The following ZDHHC17 variants were observed in gnomAD, a reference collection of about 807,000 sequenced individuals.
ZDHHC17 encodes the protein zDHHC palmitoyltransferase 17, also known as palmitoyltransferase ZDHHC17.
Under a neutral mutation model 90.3 loss-of-function variants are expected in ZDHHC17, and 40 were observed. The observed-to-expected ratio is 0.44, with a 90% CI of 0.34 to 0.58. The LOEUF (loss-of-function observed/expected upper bound fraction) is 0.58, where lower values mean the gene tolerates loss of function less well. Among genes scored for constraint, ZDHHC17 ranks in the 20% least tolerant of loss-of-function variants. The pLI is 0.01. For synonymous variants in ZDHHC17, 235 were observed against 252.4 expected (o/e 0.93, Z 0.65); for missense variants, 614 against 780.8 (o/e 0.79, Z 2.55).
intron 1 of ZDHHC17, among the ~76,000 whole-genome samples, chr12:76,778,934 A>G (rs945068700): frequency 1.3e-5 from 2 of 152,144 alleles, no homozygotes; most frequent in Non-Finnish European, 1.5e-5. Flanking sequence ...CTGCATTCTC[A>G]TATTCTCACA....
chr12:76,829,075 G>C (rs1188484719), intron 10 of ZDHHC17, among the ~76,000 whole-genome samples: 1 of 152,112 alleles, frequency 6.6e-6, no homozygotes. Flanking sequence ...AAGATGTCGA[G>C]GATGCAGAGA....
chr12:76,818,963 C>G (rs1028589648), intron 7 of ZDHHC17, among the ~76,000 whole-genome samples: 12 of 152,150 alleles, frequency 7.9e-5, no homozygotes, highest in Admixed American at 2.0e-4. Flanking sequence ...TAGGCTGTTG[C>G]AATAAATCAG....
intron 16 of ZDHHC17, 194 bp downstream of exon 16, chr12:76,849,664 C>T: frequency 2.5e-6 from 1 of 399,176 alleles, no homozygotes; most frequent in Non-Finnish European, 4.4e-6. Flanking sequence ...GTTGTGATAT[C>T]TCCTTATATT....
chr12:76,829,748 C>T (rs533920756), intron 10 of ZDHHC17, among the ~76,000 whole-genome samples: 525 of 152,198 alleles, frequency 3.4e-3, no homozygotes, highest in African/African-American at 0.012. Context: ...GGTGTTTCAT[C>T]TCTTTTGCCT....
chr12:76,778,536 T>C (rs1453508330), intron 1 of ZDHHC17, among the ~76,000 whole-genome samples: 1 of 152,188 alleles, frequency 6.6e-6, no homozygotes, highest in Non-Finnish European at 1.5e-5. Context: ...AAGTTTTAAC[T>C]AGGCCAAGAT....
chr12:76,830,104 CA>C (rs1953281892), intron 10 of ZDHHC17, among the ~76,000 whole-genome samples: 1 of 152,146 alleles, frequency 6.6e-6, no homozygotes, highest in African/African-American at 2.4e-5. Context: ...GTTCAGTCAG[CA>C]AGTTAGACTG....
intron 1 of ZDHHC17, among the ~76,000 whole-genome samples, chr12:76,768,460 T>C (rs759229703): frequency 2.8e-4 from 42 of 152,234 alleles, no homozygotes; most frequent in Non-Finnish European, 5.4e-4. Flanking sequence ...TGTGTTAGGT[T>C]ATATGGGTTA....
At chr12:76,807,204 C>G (rs922118112) in intron 3 of ZDHHC17, among the ~76,000 whole-genome samples, 1 of 152,162 alleles carries the variant, frequency 6.6e-6, no homozygotes, top group South Asian at 2.1e-4. Context: ...ACAAAGAAAG[C>G]GTTCGAGCAC....
At chr12:76,820,460 T>C (rs1953151585) in intron 7 of ZDHHC17, among the ~76,000 whole-genome samples, 1 of 152,186 alleles carries the variant, frequency 6.6e-6, no homozygotes, top group Non-Finnish European at 1.5e-5. Flanking sequence ...TAAATTTAGA[T>C]GAATTGAGTT....
intron 5 of ZDHHC17, among the ~76,000 whole-genome samples, chr12:76,810,062 G>A (rs543584427): frequency 5.3e-5 from 8 of 152,278 alleles, no homozygotes; most frequent in Non-Finnish European, 1.2e-4. Flanking sequence ...AGATAATGAT[G>A]AAGTTGGGTT....
intron 8 of ZDHHC17, 141 bp downstream of exon 8, chr12:76,822,672 A>G: frequency 1.5e-6 from 1 of 662,284 alleles, no homozygotes; most frequent in South Asian, 2.0e-5. Flanking sequence ...CTTGTGCCTC[A>G]GCCTCCTGAG....
chr12:76,775,213 ATTGT>A (rs1274745932), intron 1 of ZDHHC17, among the ~76,000 whole-genome samples: 1 of 152,192 alleles, frequency 6.6e-6, no homozygotes, highest in Non-Finnish European at 1.5e-5. Flanking sequence ...TTGATTACTG[ATTGT>A]TTTCTGAAAA....
chr12:76,775,981 C>T (rs1259424208), intron 1 of ZDHHC17, among the ~76,000 whole-genome samples: 4 of 151,956 alleles, frequency 2.6e-5, no homozygotes, highest in Non-Finnish European at 4.4e-5. Flanking sequence ...TGTAAATAGC[C>T]AGAATCTTCC....
At chr12:76,773,381 A>G (rs1197637167) in intron 1 of ZDHHC17, among the ~76,000 whole-genome samples, 1 of 152,080 alleles carries the variant, frequency 6.6e-6, no homozygotes, top group Non-Finnish European at 1.5e-5. Context: ...AGTAATATTC[A>G]TTTAAAGTTC....
chr12:76,848,421 T>C, intron 15 of ZDHHC17, 31 bp downstream of exon 15: 1 of 1,606,160 alleles, frequency 6.2e-7, no homozygotes, highest in South Asian at 1.1e-5. Context: ...TTTAGTGCAC[T>C]AAGTGAAAAC....
chr12:76,782,895 G>T (rs1053833474), intron 1 of ZDHHC17, among the ~76,000 whole-genome samples: 1 of 151,996 alleles, frequency 6.6e-6, no homozygotes, highest in Admixed American at 6.6e-5. Context: ...GACATCAGGG[G>T]CGGGGGATTC....
chr12:76,772,103 T>A (rs1399895064), intron 1 of ZDHHC17, among the ~76,000 whole-genome samples: 1 of 152,224 alleles, frequency 6.6e-6, no homozygotes, highest in Non-Finnish European at 1.5e-5. Context: ...ATTCATTTAA[T>A]CCTCACAGCT....
intron 8 of ZDHHC17, among the ~76,000 whole-genome samples, chr12:76,824,845 A>G (rs77285067): frequency 6.7e-6 from 1 of 148,264 alleles, no homozygotes; most frequent in Non-Finnish European, 1.5e-5. Flanking sequence ...CTTATCTCCA[A>G]AAAAAAAAAA....
intron 1 of ZDHHC17, among the ~76,000 whole-genome samples, chr12:76,787,385 A>G (rs1056167478): frequency 6.6e-6 from 1 of 152,242 alleles, no homozygotes; most frequent in African/African-American, 2.4e-5. Context: ...TTTATGCCCA[A>G]TCAAGTGGGC....
Sources: gnomAD v4.1 joint callset for allele counts (sites outside exome capture counted in the v4.1 genomes callset) on GRCh38, gnomAD v4.1.1 for gene constraint, MANE v1.5 for transcripts, NCBI Gene and HGNC (gene_info 2026-07-23, HGNC 2026-07-21) for gene names.